The following CCDC68 variants were observed in gnomAD, a reference collection of about 807,000 sequenced individuals.
The protein encoded by CCDC68 is coiled-coil domain containing 68.
CCDC68 carries 45 observed loss-of-function variants against 47.1 expected under a neutral mutation model. The ratio of observed to expected loss-of-function variants is 0.96; its 90% confidence interval spans 0.75 to 1.23. The LOEUF (loss-of-function observed/expected upper bound fraction) is 1.23. Among genes scored for constraint, CCDC68 ranks in the 50% most tolerant of loss-of-function variants. CCDC68 has a pLI of 0.00. For missense variants in CCDC68, 353 were observed against 373.6 expected, an observed-to-expected ratio of 0.94 and a Z score of 0.45; for synonymous variants, 131 against 129.5, an observed-to-expected ratio of 1.01 and a Z score of -0.08.
At chr18:54,958,259 C>T (rs879374592) in intron 1 of CCDC68, among the ~76,000 whole-genome samples, 6 of 152,154 alleles carry the variant, frequency 3.9e-5, no homozygotes, top group East Asian at 1.9e-4. Flanking sequence ...TGTCAGGGGC[C>T]TTCCCTCTCA....
At chr18:54,957,627 A>ACACT (rs375675674) in intron 1 of CCDC68, among the ~76,000 whole-genome samples, 77 of 143,856 alleles carry the variant, frequency 5.4e-4, no homozygotes, top group East Asian at 3.8e-3. Context: ...ACACACACAC[A>ACACT]CTCTCTCTCT....
intron 1 of CCDC68, among the ~76,000 whole-genome samples, chr18:54,948,753 A>G (rs2044566895): frequency 6.6e-6 from 1 of 151,984 alleles, no homozygotes; most frequent in Non-Finnish European, 1.5e-5. Context: ...ATATAGAGGG[A>G]GTCTAAGGGA....
chr18:54,919,257 T>TGTATTTATCTGATTAATCTGTATTTC lies in CCDC68; in HGVS notation c.789+13_789+14insGAAATACAGATTAATCAGATAAATAC. 6.2e-7 allele frequency: 1 copy of TGTATTTATCTGATTAATCTGTATTTC among 1,600,274 alleles called. No individual in the cohort carries two copies. The highest frequency in any genetic ancestry group is 8.6e-7 in the Non-Finnish European group (1 of 1,167,430). ...CATACTGTCTACCAGATAAATACAC[T>TGTATTTATCTGATTAATCTGTATTTC]TGATTAATCTGACCTCCTGGATGAC... is the stretch of plus-strand genomic sequence containing the variant. On this transcript the variant is annotated intron_variant, in intron 9 of 11. Coordinates refer to ENST00000591504, the MANE Select transcript of CCDC68 (RefSeq NM_025214.3).
At chr18:54,926,058 A>C (rs1226658822) in intron 8 of CCDC68, among the ~76,000 whole-genome samples, 1 of 152,222 alleles carries the variant, frequency 6.6e-6, no homozygotes, top group South Asian at 2.1e-4. Context: ...AGTGGCAACC[A>C]TATGCTTTGA....
At chr18:54,913,106 C>T (rs1914463389) in intron 10 of CCDC68, among the ~76,000 whole-genome samples, 1 of 152,208 alleles carries the variant, frequency 6.6e-6, no homozygotes, top group Admixed American at 6.5e-5. Flanking sequence ...GACTCAAATG[C>T]AGGTTCTGCC....
At chr18:54,920,112 T>C (rs1270631734) in intron 8 of CCDC68, among the ~76,000 whole-genome samples, 1 of 152,228 alleles carries the variant, frequency 6.6e-6, no homozygotes, top group Non-Finnish European at 1.5e-5. Context: ...GCTACTGTTA[T>C]TAGAGTTATG....
chr18:54,919,942 G>A (rs2044027368), intron 8 of CCDC68, among the ~76,000 whole-genome samples: 1 of 152,096 alleles, frequency 6.6e-6, no homozygotes, highest in South Asian at 2.1e-4. Context: ...GGGGAAAAAA[G>A]GAGAAGAAAG....
At chr18:54,951,159 C>T (rs543632183) in intron 1 of CCDC68, among the ~76,000 whole-genome samples, 2 of 151,588 alleles carry the variant, frequency 1.3e-5, no homozygotes, top group Admixed American at 1.3e-4. Flanking sequence ...CCGCCCGCCT[C>T]GGCCTCCCAA....
chr18:54,947,501 A>T (rs1039043870), intron 1 of CCDC68, among the ~76,000 whole-genome samples: 1 of 152,074 alleles, frequency 6.6e-6, no homozygotes, highest in African/African-American at 2.4e-5. Flanking sequence ...CCATTCTGCC[A>T]CTCCATACCT....
rs1345180792 is a variant in CCDC68 at position 54,930,653 on chromosome 18, C to CCCTCCCTTCCTT, written c.601-1772_601-1771insAAGGAAGGGAGG. Among the ~76,000 whole-genome samples, 56 of 18,346 alleles carry CCCTCCCTTCCTT rather than the reference C, an allele frequency of 3.1e-3. 4 individuals carry two copies. The highest frequency in any genetic ancestry group is 8.9e-3 in the African/African-American group (53 of 5,968). 12.0% of individuals were successfully genotyped at this position (18,346 alleles called of 152,430 possible). ...TCCCTCCCTCCCTCCCTCCCTCCCT[C>CCCTCCCTTCCTT]CCTTCCTTCCTTCCTTCCTTCCCTC... On this transcript the variant is annotated intron_variant, in intron 7 of 11. Coordinates refer to ENST00000591504, the MANE Select transcript of CCDC68 (RefSeq NM_025214.3).
intron 7 of CCDC68, among the ~76,000 whole-genome samples, chr18:54,932,652 G>T (rs1034969909): frequency 6.6e-6 from 1 of 152,176 alleles, no homozygotes. Flanking sequence ...CATCCTGTCT[G>T]CTTCCTTTGT....
chr18:54,955,890 A>T (rs999264935), intron 1 of CCDC68, among the ~76,000 whole-genome samples: 7 of 144,450 alleles, frequency 4.8e-5, no homozygotes, highest in Admixed American at 2.1e-4. Context: ...GCTAATTTTT[A>T]AAAAATCATT....
chr18:54,927,326 A>G (rs1157251631), intron 8 of CCDC68, among the ~76,000 whole-genome samples: 1 of 152,238 alleles, frequency 6.6e-6, no homozygotes, highest in Admixed American at 6.5e-5. Flanking sequence ...GCTTTTAAAG[A>G]ATTATTTATA....
In CCDC68 at chr18:54,903,060, C is replaced by T. The variant is rs187380427; in HGVS notation, c.*1298G>A. The T allele has an allele frequency of 4.3e-4, 66 of 151,726 alleles. No homozygotes were observed. Among genetic ancestry groups the T allele is most frequent in the African/African-American group, 1.3e-3 (55 of 41,520 alleles). 9.4% of individuals were successfully genotyped at this position (151,726 alleles called of 1,614,324 possible). On this transcript the variant is annotated 3_prime_UTR_variant, in exon 12 of 12. Coordinates refer to ENST00000591504, the MANE Select transcript of CCDC68 (RefSeq NM_025214.3). ...AAAATACCATGAAGCGTAAAACTCA[C>T]ACACAGTTACACAACAATTCAAGGA...
chr18:54,940,692 G>A (rs569151087), intron 4 of CCDC68, among the ~76,000 whole-genome samples: 1 of 152,328 alleles, frequency 6.6e-6, no homozygotes, highest in Admixed American at 6.5e-5. Flanking sequence ...GCCCACGTGA[G>A]TCTAAAAGCT....
intron 10 of CCDC68, among the ~76,000 whole-genome samples, chr18:54,913,726 T>C (rs2043894821): frequency 1.3e-5 from 2 of 152,050 alleles, no homozygotes; most frequent in South Asian, 2.1e-4. Context: ...GGTAGGAGGA[T>C]TGCTTGAGCC....
intron 1 of CCDC68, among the ~76,000 whole-genome samples, chr18:54,953,477 C>G (rs1458417929): frequency 6.6e-6 from 1 of 151,520 alleles, no homozygotes; most frequent in African/African-American, 2.4e-5. Context: ...AAATTCTTGA[C>G]CCCCAAAAGA....
intron 9 of CCDC68, among the ~76,000 whole-genome samples, chr18:54,918,423 T>C (rs943025855): frequency 6.6e-6 from 1 of 152,200 alleles, no homozygotes; most frequent in Non-Finnish European, 1.5e-5. Flanking sequence ...GAGCCTGCTT[T>C]GCCAAGAGGC....
chr18:54,914,759 A>AG (rs1242718417), intron 10 of CCDC68, among the ~76,000 whole-genome samples: 1 of 152,262 alleles, frequency 6.6e-6, no homozygotes, highest in East Asian at 1.9e-4. Context: ...ATGAGAGGAG[A>AG]GGGACATACG....
Sources: gnomAD v4.1 joint callset for allele counts (sites outside exome capture counted in the v4.1 genomes callset) on GRCh38, gnomAD v4.1.1 for gene constraint, MANE v1.5 for transcripts, NCBI Gene and HGNC (gene_info 2026-07-23, HGNC 2026-07-21) for gene names.